The following MIPOL1 variants were observed in gnomAD, a reference collection of about 807,000 sequenced individuals.
MIPOL1 encodes the protein mirror-image polydactyly 1.
MIPOL1 carries 57 observed loss-of-function variants against 60.9 expected under a neutral mutation model. The ratio of observed to expected loss-of-function variants is 0.94; its 90% confidence interval spans 0.76 to 1.17. The LOEUF (loss-of-function observed/expected upper bound fraction) is 1.17. Ranked by LOEUF, MIPOL1 falls within the 50% of genes most tolerant of loss-of-function variation. The probability of loss-of-function intolerance (pLI) is 0.00; values close to 1 mark genes in which losing one functional copy is unlikely to be tolerated. For missense variants in MIPOL1, 551 were observed against 511.6 expected (o/e 1.08, Z -0.74); for synonymous variants, 179 against 168.8 (o/e 1.06, Z -0.47).
intron 11 of MIPOL1, among the ~76,000 whole-genome samples, chr14:37,445,034 C>T (rs2094310634): frequency 6.6e-6 from 1 of 152,184 alleles, no homozygotes; most frequent in Non-Finnish European, 1.5e-5. Flanking sequence ...GATGCCCTCT[C>T]TCACCACTCC....
intron 12 of MIPOL1, among the ~76,000 whole-genome samples, chr14:37,520,802 A>G (rs1342376315): frequency 6.6e-6 from 1 of 152,076 alleles, no homozygotes; most frequent in Non-Finnish European, 1.5e-5. Flanking sequence ...GTTAAATTTT[A>G]TAATGAAATA....
At chr14:37,267,242 C>G in intron 4 of MIPOL1, 73 bp downstream of exon 4, 3 of 1,151,060 alleles carry the variant, frequency 2.6e-6, no homozygotes, top group Non-Finnish European at 3.8e-6. Context: ...AATCTCAGCA[C>G]TTTGGGAGGA....
chr14:37,350,193 T>G (rs1382780557), intron 9 of MIPOL1, among the ~76,000 whole-genome samples: 3 of 152,124 alleles, frequency 2.0e-5, no homozygotes, highest in African/African-American at 4.8e-5. Flanking sequence ...CACTTCAGCC[T>G]CCGTAATGGC....
At chr14:37,520,820 G>A (rs940401490) in intron 12 of MIPOL1, among the ~76,000 whole-genome samples, 1 of 150,918 alleles carries the variant, frequency 6.6e-6, no homozygotes, top group Non-Finnish European at 1.5e-5. Context: ...ATATTAAGTT[G>A]GGTTTAGGGA....
intron 7 of MIPOL1, among the ~76,000 whole-genome samples, chr14:37,296,792 C>A (rs1309782813): frequency 1.3e-5 from 2 of 152,160 alleles, no homozygotes; most frequent in African/African-American, 4.8e-5. Context: ...ATAACAGGCT[C>A]TGAAATTGAG....
chr14:37,223,665 G>T (rs925571364), intron 1 of MIPOL1, among the ~76,000 whole-genome samples: 1 of 151,848 alleles, frequency 6.6e-6, no homozygotes, highest in Non-Finnish European at 1.5e-5. Context: ...ACCACGCCCG[G>T]CTAATTTTTT....
chr14:37,501,720 A>C (rs2153614349), intron 12 of MIPOL1: 1 of 152,298 alleles, frequency 6.6e-6, no homozygotes, highest in East Asian at 1.9e-4. Flanking sequence ...CACCTGAGAT[A>C]CCTGGTTCAT....
chr14:37,287,985 T>A (rs1445481270), intron 7 of MIPOL1, among the ~76,000 whole-genome samples: 2 of 152,064 alleles, frequency 1.3e-5, no homozygotes, highest in East Asian at 3.9e-4. Context: ...CAGGTATGAA[T>A]TGACCTTAAA....
intron 12 of MIPOL1, among the ~76,000 whole-genome samples, chr14:37,526,493 C>T (rs978721862): frequency 1.3e-5 from 2 of 151,594 alleles, no homozygotes; most frequent in African/African-American, 4.8e-5. Context: ...CCTCAGCCCC[C>T]CAAGTAGCTG....
chr14:37,286,597 A>T (rs1384351188), intron 7 of MIPOL1, among the ~76,000 whole-genome samples: 2 of 152,226 alleles, frequency 1.3e-5, no homozygotes, highest in Non-Finnish European at 2.9e-5. Flanking sequence ...TCTGTGGAGG[A>T]ACAGAGTAAA....
intron 12 of MIPOL1, chr14:37,505,461 A>G (rs1048580882): frequency 6.6e-6 from 1 of 152,266 alleles, no homozygotes; most frequent in Non-Finnish European, 1.5e-5. Flanking sequence ...TATGCACATC[A>G]ATAAACGTAA....
In MIPOL1 at chr14:37,442,089, TG is replaced by T. The variant is rs1478726820; in HGVS notation, c.1031+19141del. Among the ~76,000 whole-genome samples, 6 of 10,168 alleles carry T rather than the reference TG, an allele frequency of 5.9e-4. No homozygotes were observed. In the East Asian group the frequency reaches 0.025, roughly 43 times the overall value. 6.7% of individuals were successfully genotyped at this position (10,168 alleles called of 152,430 possible). On this transcript the variant is annotated intron_variant, in intron 11 of 12. Transcript: ENST00000684589. The stretch of plus-strand genomic sequence containing the variant: ...AAGTTTCATTCTCTTTCTACTTTGT[TG>T]TGTGTGTGTGTGTGTGTGTGTGTGT...
chr14:37,310,674 C>T (rs1234802606), intron 9 of MIPOL1, among the ~76,000 whole-genome samples: 1 of 152,004 alleles, frequency 6.6e-6, no homozygotes, highest in African/African-American at 2.4e-5. Context: ...AATGCCTTAC[C>T]ACCTCCCATG....
intron 10 of MIPOL1, among the ~76,000 whole-genome samples, chr14:37,392,549 A>T (rs955943351): frequency 1.3e-5 from 2 of 151,986 alleles, no homozygotes; most frequent in Non-Finnish European, 2.9e-5. Flanking sequence ...GCTGTAAGTT[A>T]TTTAGGTATA....
At chr14:37,467,237 A>G (rs948198445) in intron 11 of MIPOL1, among the ~76,000 whole-genome samples, 9 of 152,220 alleles carry the variant, frequency 5.9e-5, no homozygotes, top group Admixed American at 2.0e-4. Flanking sequence ...ACTTTGTTCA[A>G]CTGTTCAATT....
intron 11 of MIPOL1, among the ~76,000 whole-genome samples, chr14:37,489,865 C>G (rs2095020765): frequency 6.6e-6 from 1 of 152,190 alleles, no homozygotes; most frequent in Admixed American, 6.5e-5. Flanking sequence ...AGCCAGAGCT[C>G]TCCTGTATGA....
intron 11 of MIPOL1, among the ~76,000 whole-genome samples, chr14:37,477,229 A>C (rs551644535): frequency 3.3e-5 from 5 of 152,040 alleles, no homozygotes; most frequent in African/African-American, 1.2e-4. Flanking sequence ...TTAGGGTAAT[A>C]CTAGCCTCAT....
intron 11 of MIPOL1, among the ~76,000 whole-genome samples, chr14:37,441,702 TTC>T (rs2094248273): frequency 6.6e-6 from 1 of 152,036 alleles, no homozygotes; most frequent in Non-Finnish European, 1.5e-5. Context: ...TTGTTTTGTT[TTC>T]TGTTTTTTGG....
chr14:37,226,924 A>G (rs1969844991), intron 1 of MIPOL1, among the ~76,000 whole-genome samples: 1 of 152,232 alleles, frequency 6.6e-6, no homozygotes. Context: ...CTTCCTGATT[A>G]TTAAGAATTC....
Sources: gnomAD v4.1 joint callset for allele counts (sites outside exome capture counted in the v4.1 genomes callset) on GRCh38, gnomAD v4.1.1 for gene constraint, MANE v1.5 for transcripts, NCBI Gene and HGNC (gene_info 2026-07-23, HGNC 2026-07-21) for gene names.